Variants in RASEF observed in about 807,000 individuals in gnomAD.
RASEF encodes the protein RAS and EF-hand domain containing.
In RASEF, 68 loss-of-function variants were observed where a neutral mutation model predicts 90.1. The observed-to-expected ratio is 0.75, with a 90% CI of 0.62 to 0.92. The LOEUF (loss-of-function observed/expected upper bound fraction) is 0.92, where lower values mean the gene tolerates loss of function less well. Ranked by LOEUF, RASEF falls within the 40% of genes least tolerant of loss-of-function variation. The pLI is 0.00. For missense variants in RASEF, 949 were observed against 937.2 expected (o/e 1.01, Z -0.16); for synonymous variants, 331 against 345.2 (o/e 0.96, Z 0.46).
the RASEF span, among the ~76,000 whole-genome samples, chr9:83,127,332 G>A: frequency 1.6e-4 from 24 of 152,264 alleles, no homozygotes; most frequent in African/African-American, 4.1e-4. Flanking sequence ...GCTTTTTTCT[G>A]TAGGACAGAA....
chr9:82,996,987 C>T, intron 14 of RASEF, 25 bp downstream of exon 14: 1 of 1,340,840 alleles, frequency 7.5e-7, no homozygotes, highest in Non-Finnish European at 1.1e-6. Flanking sequence ...GTGTAATTTT[C>T]TGTTTCTCCA....
chr9:83,093,203 T>A, the RASEF span, among the ~76,000 whole-genome samples: 1 of 152,176 alleles, frequency 6.6e-6, no homozygotes, highest in Non-Finnish European at 1.5e-5. Context: ...GTTCTCCACC[T>A]CCCCACCAGA....
At chr9:83,106,922 A>ACGT in the RASEF span, among the ~76,000 whole-genome samples, 2 of 152,152 alleles carry the variant, frequency 1.3e-5, no homozygotes, top group Non-Finnish European at 2.9e-5. Flanking sequence ...GTCCTGTCAC[A>ACGT]CGTGTCTGGC....
chr9:83,175,753 T>C, the RASEF span, among the ~76,000 whole-genome samples: 1 of 152,092 alleles, frequency 6.6e-6, no homozygotes, highest in African/African-American at 2.4e-5. Flanking sequence ...GCTAATTTTT[T>C]GTATTTTTAG....
chr9:83,184,049 G>A, the RASEF span, among the ~76,000 whole-genome samples: 1 of 152,184 alleles, frequency 6.6e-6, no homozygotes, highest in Non-Finnish European at 1.5e-5. Context: ...GACCACACTT[G>A]GAGAACAGGA....
intron 1 of RASEF, among the ~76,000 whole-genome samples, chr9:83,044,321 G>A (rs985383356): frequency 6.6e-6 from 1 of 152,082 alleles, no homozygotes; most frequent in Non-Finnish European, 1.5e-5. Context: ...CTTGCTGGAC[G>A]GCTATGGCTG....
At chr9:83,030,294 T>C (rs1391427753) in intron 1 of RASEF, among the ~76,000 whole-genome samples, 6 of 151,890 alleles carry the variant, frequency 4.0e-5, no homozygotes, top group Admixed American at 2.0e-4. Flanking sequence ...GAGGCAGAGA[T>C]TGCGGTGAGC....
At chr9:83,144,362 A>AGGAAG in the RASEF span, among the ~76,000 whole-genome samples, 1 of 90,128 alleles carries the variant, frequency 1.1e-5, no homozygotes, top group South Asian at 3.7e-4. Context: ...AAAGAAAGAA[A>AGGAAG]GAAAGAAAGA....
the RASEF span, among the ~76,000 whole-genome samples, chr9:83,151,495 C>A: frequency 1.3e-5 from 2 of 152,132 alleles, no homozygotes; most frequent in Admixed American, 6.5e-5. Flanking sequence ...GGAATGGATG[C>A]CATTGCCTGG....
chr9:82,998,202 C>T (rs1373642293), intron 13 of RASEF, among the ~76,000 whole-genome samples, 163 bp downstream of exon 13: 3 of 152,102 alleles, frequency 2.0e-5, no homozygotes, highest in Non-Finnish European at 4.4e-5. Context: ...AGAATATAAG[C>T]ATTTTAAAGT....
chr9:83,122,381 G>A, the RASEF span, among the ~76,000 whole-genome samples: 7 of 152,226 alleles, frequency 4.6e-5, no homozygotes, highest in Non-Finnish European at 1.0e-4. Flanking sequence ...TAATGGGTGA[G>A]GCAGTGAGAG....
chr9:83,075,818 T>C, the RASEF span, among the ~76,000 whole-genome samples: 1 of 151,536 alleles, frequency 6.6e-6, no homozygotes, highest in Non-Finnish European at 1.5e-5. Context: ...AGATTAAAGC[T>C]CCTGTTCCCA....
chr9:83,047,420 C>A (rs1408269880), intron 1 of RASEF, among the ~76,000 whole-genome samples: 1 of 152,106 alleles, frequency 6.6e-6, no homozygotes, highest in Non-Finnish European at 1.5e-5. Flanking sequence ...TACTACAATA[C>A]CAGAAAATAT....
At chr9:83,140,585 A>G in the RASEF span, among the ~76,000 whole-genome samples, 3 of 152,180 alleles carry the variant, frequency 2.0e-5, no homozygotes, top group African/African-American at 4.8e-5. Flanking sequence ...TCCAAATAGA[A>G]TATATGGGTC....
upstream of RASEF, among the ~76,000 whole-genome samples, chr9:83,067,908 C>T (rs865992264): frequency 6.4e-4 from 97 of 152,174 alleles, 1 homozygote; most frequent in African/African-American, 2.3e-3. Flanking sequence ...GACAGGGTGT[C>T]ACTTTCTCGT....
At chr9:83,058,696 T>C (rs1250755648) in intron 1 of RASEF, among the ~76,000 whole-genome samples, 1 of 152,190 alleles carries the variant, frequency 6.6e-6, no homozygotes, top group Non-Finnish European at 1.5e-5. Flanking sequence ...CAGCTACTTG[T>C]TTTTAAAAAT....
intron 14 of RASEF, 69 bp from the exon 15 acceptor site, chr9:82,993,094 C>T (rs960062098): frequency 3.3e-6 from 5 of 1,512,322 alleles, no homozygotes; most frequent in African/African-American, 2.8e-5. Context: ...CACAGAACAA[C>T]AGCAACAGCA....
chr9:82,995,973 G>A (rs1564070744), intron 14 of RASEF, among the ~76,000 whole-genome samples: 1 of 152,114 alleles, frequency 6.6e-6, no homozygotes, highest in Non-Finnish European at 1.5e-5. Flanking sequence ...TATAACATGG[G>A]AAATTTTGTG....
the RASEF span, among the ~76,000 whole-genome samples, chr9:83,136,101 A>T: frequency 6.6e-6 from 1 of 152,054 alleles, no homozygotes; most frequent in Non-Finnish European, 1.5e-5. Flanking sequence ...AATATTAAAA[A>T]TATATAAAAA....
Sources: allele counts gnomAD v4.1 joint callset (sites outside exome capture counted in the v4.1 genomes callset), GRCh38; gene constraint gnomAD v4.1.1; transcripts MANE v1.5; gene names NCBI Gene and HGNC (gene_info 2026-07-23, HGNC 2026-07-21).